The following ANK3 variants were observed in gnomAD, a reference collection of about 807,000 sequenced individuals.
ANK3 encodes the protein ankyrin 3.
ANK3 carries 57 observed loss-of-function variants against 370.9 expected under a neutral mutation model. The observed-to-expected ratio is 0.15, with a 90% confidence interval of 0.12 to 0.19. ANK3 has a LOEUF of 0.19. ANK3 is among the 10% of genes least tolerant of loss of function. The pLI is 1.00. For missense variants in ANK3, 4,439 were observed against 5,302.1 expected (o/e 0.84, Z 5.06); for synonymous variants, 1,929 against 1,946.3 (o/e 0.99, Z 0.23).
chr10:60,424,960 A>G (rs921124034), intron 2 of ANK3, among the ~76,000 whole-genome samples: 9 of 152,080 alleles, frequency 5.9e-5, no homozygotes, highest in African/African-American at 2.2e-4. Flanking sequence ...CTTTAGGTCA[A>G]CTAGAGATGG....
At chr10:60,697,451 T>C (rs1246441240) in intron 1 of ANK3, among the ~76,000 whole-genome samples, 1 of 150,640 alleles carries the variant, frequency 6.6e-6, no homozygotes, top group Non-Finnish European at 1.5e-5. Context: ...GCCAAGTCAA[T>C]CCTAAGCCAA....
In ANK3 at chr10:60,727,534, G is replaced by A. The variant is rs571576113; in HGVS notation, c.57+5729C>T. Among the ~76,000 whole-genome samples the A allele has an allele frequency of 5.9e-5, 9 of 152,216 alleles. No individual in the cohort carries two copies. The South Asian group carries it at 1.7e-3, about 28-fold the overall frequency. On this transcript the variant is annotated intron_variant, in intron 1 of 43. Transcript: ENST00000373827. ...AATTCAACAAATTGTACACTTAAAT[G>A]TAGTGAGTTTTATTGTATGTGAATT...
intron 2 of ANK3, among the ~76,000 whole-genome samples, chr10:60,436,847 T>C (rs1262281687): frequency 6.6e-6 from 1 of 152,238 alleles, no homozygotes; most frequent in Non-Finnish European, 1.5e-5. Flanking sequence ...GCACACGGTG[T>C]CACATCAACA....
At chr10:60,605,303 A>G (rs1228107392) in intron 2 of ANK3, among the ~76,000 whole-genome samples, 4 of 152,174 alleles carry the variant, frequency 2.6e-5, no homozygotes, top group South Asian at 4.2e-4. Context: ...TAAAGAAGGG[A>G]AAGCAGGCCA....
intron 18 of ANK3, 78 bp downstream of exon 18, chr10:60,181,251 A>C (rs2096175850): frequency 3.3e-6 from 4 of 1,225,926 alleles, no homozygotes; most frequent in Middle Eastern, 4.0e-4. Flanking sequence ...TGTTCTCCTG[A>C]TACAATTATA....
intron 1 of ANK3, among the ~76,000 whole-genome samples, chr10:60,635,681 T>G (rs1376809901): frequency 1.4e-5 from 2 of 142,118 alleles, no homozygotes; most frequent in Non-Finnish European, 3.0e-5. Context: ...AAAAATAAAT[T>G]ATTATAGCTT....
intron 2 of ANK3, among the ~76,000 whole-genome samples, chr10:60,526,530 C>G (rs1159961810): frequency 6.6e-6 from 1 of 152,038 alleles, no homozygotes; most frequent in Non-Finnish European, 1.5e-5. Context: ...TGTGACAAAA[C>G]AGCTCTTTAG....
At chr10:60,425,221 G>C (rs1472546836) in intron 2 of ANK3, among the ~76,000 whole-genome samples, 1 of 152,046 alleles carries the variant, frequency 6.6e-6, no homozygotes, top group Non-Finnish European at 1.5e-5. Context: ...GCTGCTGAAG[G>C]GTTTTACTGC....
intron 1 of ANK3, among the ~76,000 whole-genome samples, chr10:60,652,836 A>C (rs2078809182): frequency 6.6e-6 from 1 of 152,122 alleles, no homozygotes; most frequent in Admixed American, 6.6e-5. Flanking sequence ...ATACTACAGA[A>C]AGACTGGGCA....
intron 40 of ANK3, chr10:60,062,098 C>G (rs1186966085): frequency 6.6e-6 from 1 of 152,128 alleles, no homozygotes; most frequent in Non-Finnish European, 1.5e-5. Context: ...AAACCCCCAT[C>G]TTTACTAAAA....
At chr10:60,131,256 G>A (rs1565205689) in intron 25 of ANK3, among the ~76,000 whole-genome samples, 1 of 152,104 alleles carries the variant, frequency 6.6e-6, no homozygotes, top group Non-Finnish European at 1.5e-5. Flanking sequence ...ATGTCTTTAT[G>A]ACTCTCATTT....
At chr10:60,440,028 C>T (rs559987363) in intron 2 of ANK3, among the ~76,000 whole-genome samples, 1 of 152,170 alleles carries the variant, frequency 6.6e-6, no homozygotes, top group Non-Finnish European at 1.5e-5. Context: ...TTCCCTGGTG[C>T]GTGCCCCCAG....
Position 60,074,290 on chromosome 10 carries a change from T to C in ANK3, c.6591A>G (p.Ser2197=). 6.2e-7 allele frequency: 1 copy of C among 1,613,996 alleles called. No homozygotes were observed. Among genetic ancestry groups the C allele is most frequent in the South Asian group, 1.1e-5 (1 of 91,072 alleles). Residue 2197 remains serine, a synonymous_variant, in exon 37 of 44, where the codon TCA becomes TCG. Coordinates refer to ENST00000280772, the MANE Select transcript of ANK3 (RefSeq NM_020987.5). ...QPEEPVSPKP[S]PTFMELEPKP... ...TTGGTTCCAATTCCATAAAAGTAGGTGAAGGTTTAGGTGACACAGGCTCCT... is the reference window on the plus strand; with the variant it reads ...TTGGTTCCAATTCCATAAAAGTAGGCGAAGGTTTAGGTGACACAGGCTCCT...
At chr10:60,030,163 G>T (rs1404652366) in intron 43 of ANK3, among the ~76,000 whole-genome samples, 3 of 151,028 alleles carry the variant, frequency 2.0e-5, no homozygotes, top group African/African-American at 7.3e-5. Context: ...TCTTTTTTGA[G>T]ACGGAGTCTT....
chr10:60,164,026 ACAAT>A (rs1008959233), intron 23 of ANK3, among the ~76,000 whole-genome samples: 9 of 152,232 alleles, frequency 5.9e-5, no homozygotes, highest in African/African-American at 2.2e-4. Flanking sequence ...AACTAAAATG[ACAAT>A]CAAAGCTCTG....
intron 12 of ANK3, among the ~76,000 whole-genome samples, 185 bp downstream of exon 12, chr10:60,202,817 A>G (rs916070648): frequency 1.3e-5 from 2 of 152,278 alleles, no homozygotes; most frequent in Admixed American, 1.3e-4. Flanking sequence ...CTGAGATGGG[A>G]GGAGCACTTG....
At chr10:60,491,472 C>A (rs1419318652) in intron 2 of ANK3, among the ~76,000 whole-genome samples, 1 of 152,184 alleles carries the variant, frequency 6.6e-6, no homozygotes, top group African/African-American at 2.4e-5. Flanking sequence ...AATGTTGACT[C>A]ATTTCTTTAC....
chr10:60,680,732 C>T (rs1589018009), intron 1 of ANK3, among the ~76,000 whole-genome samples: 3 of 152,166 alleles, frequency 2.0e-5, no homozygotes, highest in Admixed American at 1.3e-4. Flanking sequence ...TTATCTTCCC[C>T]GTTGATAAGA....
chr10:60,158,698 CAG>C (rs2095420222), intron 23 of ANK3, among the ~76,000 whole-genome samples: 1 of 17,108 alleles, frequency 5.8e-5, no homozygotes, highest in Non-Finnish European at 1.0e-4. Context: ...TTTTTTGAGA[CAG>C]AATCTCATTC....
Sources: gnomAD v4.1 joint callset for allele counts (sites outside exome capture counted in the v4.1 genomes callset) on GRCh38, gnomAD v4.1.1 for gene constraint, MANE v1.5 for transcripts, NCBI Gene and HGNC (gene_info 2026-07-23, HGNC 2026-07-21) for gene names.